The following ARHGEF7 variants were observed in gnomAD, a reference collection of about 807,000 sequenced individuals.
ARHGEF7 encodes Rho guanine nucleotide exchange factor 7, also known as PAK-interacting exchange factor beta.
In ARHGEF7, 33 loss-of-function variants were observed where a neutral mutation model predicts 109.8. The observed-to-expected ratio is 0.30, with a 90% CI of 0.23 to 0.40. The LOEUF (loss-of-function observed/expected upper bound fraction) is 0.40, where lower values mean the gene tolerates loss of function less well. ARHGEF7 is among the 10% of genes least tolerant of loss of function. The probability of loss-of-function intolerance (pLI) is 1.00; values close to 1 mark genes in which losing one functional copy is unlikely to be tolerated. For synonymous variants in ARHGEF7, 458 were observed against 424.6 expected, an observed-to-expected ratio of 1.08 and a Z score of -0.97; for missense variants, 938 against 1,098.5, an observed-to-expected ratio of 0.85 and a Z score of 2.07.
At chr13:111,246,261 C>A (rs1283163757) in intron 8 of ARHGEF7, among the ~76,000 whole-genome samples, 5 of 152,110 alleles carry the variant, frequency 3.3e-5, no homozygotes. Context: ...TTTAAATTAT[C>A]TTTGATCTTT....
chr13:111,143,870 C>T (rs1047056419), intron 1 of ARHGEF7: 1 of 152,228 alleles, frequency 6.6e-6, no homozygotes, highest in Admixed American at 6.5e-5. Flanking sequence ...ACAACTGCTA[C>T]GTTTTCATCT....
At chr13:111,287,254 C>T (rs1232734413) in intron 17 of ARHGEF7, among the ~76,000 whole-genome samples, 1 of 152,224 alleles carries the variant, frequency 6.6e-6, no homozygotes, top group African/African-American at 2.4e-5. Flanking sequence ...ATGGTGAGGC[C>T]CTGGGGTCTA....
chr13:111,199,378 T>C (rs2080949152), intron 2 of ARHGEF7, among the ~76,000 whole-genome samples: 1 of 152,256 alleles, frequency 6.6e-6, no homozygotes, highest in Admixed American at 6.5e-5. Context: ...AGAATAATAC[T>C]CTTTTTGATT....
At chr13:111,267,455 T>G (rs2091754320) in intron 8 of ARHGEF7, 93 bp from the exon 9 acceptor site, 1 of 1,524,784 alleles carries the variant, frequency 6.6e-7, no homozygotes, top group Non-Finnish European at 8.9e-7. Flanking sequence ...CAGAGGGAGG[T>G]TTTCCTTACT....
At chr13:111,280,411 G>A (rs891358101) in intron 14 of ARHGEF7, 61 bp downstream of exon 14, 19 of 1,585,418 alleles carry the variant, frequency 1.2e-5, no homozygotes, top group Non-Finnish European at 1.5e-5. Context: ...TTGTCCCCGC[G>A]TGCAGATTCT....
rs1248720520 is a variant in ARHGEF7, at chr13:111,219,636, C to T, written c.670+1756C>T. On this transcript the variant is annotated intron_variant, in intron 5 of 21. Transcript: ENST00000646102. ...CAGGGTTCTGCTGCTTCTGTGTTCTCGCCAACTTGTTTTTTTTTTTCTTAA... is the reference window on the plus strand; with the variant it reads ...CAGGGTTCTGCTGCTTCTGTGTTCTTGCCAACTTGTTTTTTTTTTTCTTAA... Among the ~76,000 whole-genome samples the T allele has an allele frequency of 3.3e-5, 5 of 150,238 alleles. No individual in the cohort carries two copies. In the East Asian group the frequency reaches 7.7e-4, roughly 23 times the overall value.
At chr13:111,197,691 G>A (rs2080696876) in intron 2 of ARHGEF7, among the ~76,000 whole-genome samples, 2 of 152,216 alleles carry the variant, frequency 1.3e-5, no homozygotes, top group Admixed American at 6.5e-5. Flanking sequence ...AATAGCTTTT[G>A]TTAGGCCTGC....
intron 14 of ARHGEF7, 89 bp downstream of exon 14, chr13:111,280,439 A>T: frequency 6.3e-7 from 1 of 1,585,254 alleles, no homozygotes; most frequent in Middle Eastern, 1.7e-4. Flanking sequence ...GTATTTCAGA[A>T]GGTGGTGTTT....
intron 3 of ARHGEF7, among the ~76,000 whole-genome samples, chr13:111,208,606 A>C (rs557491817): frequency 3.5e-4 from 54 of 152,288 alleles, no homozygotes; most frequent in Admixed American, 8.5e-4. Flanking sequence ...CCAGCAGAGC[A>C]CTGCAGACCA....
In ARHGEF7 at chr13:111,266,872, T is replaced by C. The variant is rs558587592; in HGVS notation, c.951-676T>C. The C allele has an allele frequency of 6.6e-6, 3 of 456,074 alleles. No homozygotes were observed. The highest frequency in any genetic ancestry group is 2.0e-5 in the African/African-American group (1 of 50,178). The allele number at this position is 456,074 out of a possible 1,614,324, so 28.3% of individuals were successfully genotyped here. ...GTTGTTGCTGTTGTCCTTCAGAAACTCTGAGGTCTGGAGAGGTGAGCGTGT... is the reference window on the plus strand; with the variant it reads ...GTTGTTGCTGTTGTCCTTCAGAAACCCTGAGGTCTGGAGAGGTGAGCGTGT... On this transcript the variant is annotated intron_variant, in intron 8 of 21. Coordinates refer to ENST00000646102, the MANE Select transcript of ARHGEF7 (RefSeq NM_001354046.2). This position sits in a 1 kb window ranked among gnomAD's most constrained non-coding sequence, Gnocchi z 4.8.
chr13:111,241,202 C>G, intron 6 of ARHGEF7: 1 of 1,536,112 alleles, frequency 6.5e-7, no homozygotes, highest in Non-Finnish European at 8.7e-7. Context: ...TAAAAGCTGC[C>G]TTTTCTTTGA....
chr13:111,275,490 G>A, intron 11 of ARHGEF7, 42 bp from the exon 12 acceptor site: 10 of 1,606,224 alleles, frequency 6.2e-6, no homozygotes, highest in Non-Finnish European at 8.5e-6. Flanking sequence ...TTAACATTCT[G>A]AAAGTTTATG....
Position 111,164,225 on chromosome 13 carries a change from C to T in ARHGEF7, c.252+10234C>T, listed in dbSNP as rs146071414. On this transcript the variant is annotated intron_variant, in intron 2 of 21. Transcript: ENST00000646102. ...GTTCCCCACTTAGCAGATCAGGAGG[C>T]TGAGACTTGAAGTGGTTCAGAAGTC... Among the ~76,000 whole-genome samples the T allele has an allele frequency of 7.8e-3, 1,190 of 152,312 alleles. 8 individuals are homozygous for T. Among genetic ancestry groups the T allele is most frequent in the Middle Eastern group, 0.017 (5 of 294 alleles).
intron 18 of ARHGEF7, among the ~76,000 whole-genome samples, chr13:111,290,369 G>A (rs1386116026): frequency 6.6e-6 from 1 of 152,150 alleles, no homozygotes; most frequent in African/African-American, 2.4e-5. Flanking sequence ...CTATTTATAT[G>A]GCATTTACAT....
In ARHGEF7 at chr13:111,243,918, T is replaced by G; in HGVS notation, c.806T>G (p.Leu269Arg). Residue 269 changes from leucine to arginine, a missense_variant, in exon 7 of 22, where the codon CTT becomes CGT. By Grantham distance (102) the Leu-to-Arg change is moderately radical. Around this residue, in one of 4 missense-constraint regions of ARHGEF7, gnomAD observed 585 missense variants for 723.6 expected, o/e 0.81. Transcript: ENST00000646102. ...ACAGAAAATGAATATTCTAAAGAAC[T>G]TCAGACTGTGCTTTCAACGTACCTA... ...LETENEYSKE[L>R]QTVLSTYLRP... 1 of 1,613,402 alleles carries G rather than the reference T, an allele frequency of 6.2e-7. No individual in the cohort carries two copies. The highest frequency in any genetic ancestry group is 8.5e-7 in the Non-Finnish European group (1 of 1,179,510).
chr13:111,279,192 T>C (rs914744899), intron 13 of ARHGEF7, among the ~76,000 whole-genome samples: 1 of 152,174 alleles, frequency 6.6e-6, no homozygotes, highest in Non-Finnish European at 1.5e-5. Flanking sequence ...GAGTTCACAG[T>C]GTGTAGCATT....
intron 1 of ARHGEF7, among the ~76,000 whole-genome samples, chr13:111,152,001 AT>A (rs1566633875): frequency 1.3e-5 from 2 of 152,212 alleles, no homozygotes; most frequent in African/African-American, 4.8e-5. Context: ...TCAAGTATTG[AT>A]TTTTGGGTTA....
At position 111,255,415 on chromosome 13, in the gene ARHGEF7, C is replaced by G. The variant is rs556137437; in HGVS notation, c.950+11121C>G. Among the ~76,000 whole-genome samples, 4 of 152,306 alleles carry G rather than the reference C, an allele frequency of 2.6e-5. No homozygotes were observed. The highest frequency in any genetic ancestry group is 4.1e-4 in the South Asian group (2 of 4,830). On this transcript the variant is annotated intron_variant, in intron 8 of 21. Coordinates refer to ENST00000646102, the MANE Select transcript of ARHGEF7 (RefSeq NM_001354046.2). This position sits in a 1 kb window ranked among gnomAD's most constrained non-coding sequence, Gnocchi z 4.1. ...CCTCATGTTGCTTGCCCATGTCTGT[C>G]CCAGTGTCCTCATCTATAAAGCAGG...
chr13:111,280,709 C>T (rs747677578), intron 15 of ARHGEF7, 32 bp downstream of exon 15: 4 of 1,474,942 alleles, frequency 2.7e-6, no homozygotes, highest in Non-Finnish European at 2.7e-6. Context: ...TCCTTCCAGA[C>T]TCCAGGCGTG....
Sources: gnomAD v4.1 joint callset for allele counts (sites outside exome capture counted in the v4.1 genomes callset) on GRCh38, gnomAD v4.1.1 for gene constraint, gnomAD v4.1.1 regional missense constraint, Gnocchi (gnomAD v3.1) non-coding constraint, MANE v1.5 for transcripts, NCBI Gene and HGNC (gene_info 2026-07-23, HGNC 2026-07-21) for gene names.